Variants in ADGRL3 observed in about 807,000 individuals in gnomAD.
ADGRL3 encodes the protein calcium-independent alpha-latrotoxin receptor 3.
Under a neutral mutation model 153.5 loss-of-function variants are expected in ADGRL3, and 62 were observed. The ratio of observed to expected loss-of-function variants is 0.40; its 90% confidence interval spans 0.33 to 0.50. The LOEUF is 0.50. Among genes scored for constraint, ADGRL3 ranks in the 20% least tolerant of loss-of-function variants. The pLI is 0.47. For synonymous variants in ADGRL3, 710 were observed against 672.5 expected, an observed-to-expected ratio of 1.06 and a Z score of -0.86; for missense variants, 1,641 against 1,859.4, an observed-to-expected ratio of 0.88 and a Z score of 2.16.
chr4:62,000,643 A>C (rs1340276457), intron 21 of ADGRL3, among the ~76,000 whole-genome samples: 2 of 152,160 alleles, frequency 1.3e-5, no homozygotes, highest in Non-Finnish European at 2.9e-5. Context: ...TAATAATGAC[A>C]TATACCTGAC....
At chr4:61,295,367 A>G (rs1346422350) in intron 1 of ADGRL3, among the ~76,000 whole-genome samples, 3 of 152,104 alleles carry the variant, frequency 2.0e-5, no homozygotes, top group African/African-American at 7.2e-5. Context: ...TACCTTTATC[A>G]TAGGTATATA....
At chr4:61,205,998 A>T (rs779111451) in intron 1 of ADGRL3, among the ~76,000 whole-genome samples, 3 of 152,178 alleles carry the variant, frequency 2.0e-5, no homozygotes, top group Non-Finnish European at 4.4e-5. Context: ...GTGCTTATGG[A>T]TTCATAAGCA....
intron 2 of ADGRL3, among the ~76,000 whole-genome samples, chr4:61,409,938 T>C (rs1448314719): frequency 1.3e-5 from 2 of 152,044 alleles, no homozygotes; most frequent in African/African-American, 4.8e-5. Flanking sequence ...GAACATAATA[T>C]GGTACATTTT....
chr4:61,456,374 TCTATATATATATATAG>T (rs2097739341), intron 2 of ADGRL3, among the ~76,000 whole-genome samples: 2 of 134,686 alleles, frequency 1.5e-5, no homozygotes, highest in Admixed American at 7.6e-5. Flanking sequence ...TATAGATATA[TCTATATATATATATAG>T]ATATATCTAT....
At chr4:61,967,785 CAT>C (rs1346825413) in intron 17 of ADGRL3, among the ~76,000 whole-genome samples, 3 of 152,174 alleles carry the variant, frequency 2.0e-5, no homozygotes, top group African/African-American at 7.2e-5. Context: ...TTGTAAAGCA[CAT>C]AGTTTTACCT....
At chr4:61,799,038 T>TATATATATATATATAC (rs1411460409) in intron 8 of ADGRL3, among the ~76,000 whole-genome samples, 5 of 115,710 alleles carry the variant, frequency 4.3e-5, no homozygotes, top group African/African-American at 1.7e-4. Context: ...TATATATATA[T>TATATATATATATATAC]ACCATATATT....
intron 9 of ADGRL3, among the ~76,000 whole-genome samples, chr4:61,820,980 A>T (rs1212277898): frequency 6.6e-6 from 1 of 152,184 alleles, no homozygotes. Flanking sequence ...TCAGAATCCT[A>T]AGCAGAGGCA....
intron 1 of ADGRL3, among the ~76,000 whole-genome samples, chr4:61,330,061 T>G (rs1160457216): frequency 6.6e-6 from 1 of 152,204 alleles, no homozygotes; most frequent in African/African-American, 2.4e-5. Flanking sequence ...ATTGTGCATA[T>G]GCTGGAAAAT....
intron 2 of ADGRL3, among the ~76,000 whole-genome samples, chr4:61,431,953 G>A (rs1244701042): frequency 6.6e-6 from 1 of 152,098 alleles, no homozygotes; most frequent in Non-Finnish European, 1.5e-5. Flanking sequence ...TGGTGATTGA[G>A]TCAATATATA....
At chr4:61,419,736 TGTTA>T (rs935364848) in intron 2 of ADGRL3, among the ~76,000 whole-genome samples, 3 of 152,180 alleles carry the variant, frequency 2.0e-5, no homozygotes, top group South Asian at 2.1e-4. Flanking sequence ...AAATTTTGAT[TGTTA>T]TTTTCACAGA....
intron 4 of ADGRL3, among the ~76,000 whole-genome samples, chr4:61,550,022 G>A (rs1240247479): frequency 6.6e-6 from 1 of 151,878 alleles, no homozygotes; most frequent in Non-Finnish European, 1.5e-5. Context: ...ATACTCAAAT[G>A]CAGCATATCA....
At position 62,033,285 on chromosome 4, in the gene ADGRL3, A is replaced by G. The variant is rs867225535; in HGVS notation, c.3591+1675A>G. On this transcript the variant is annotated intron_variant, in intron 23 of 26. Coordinates refer to ENST00000683033, the MANE Select transcript of ADGRL3 (RefSeq NM_001387552.1). ...GTTTTTTTTTATCAGATAGGGTTCT[A>G]TCGATGGTACCACCTAAACTGCAAG... 7.2e-5 allele frequency among the ~76,000 whole-genome samples: 11 copies of G among 151,848 alleles called. No individual in the cohort carries two copies. The South Asian group carries it at 1.0e-3, about 14-fold the overall frequency.
chr4:61,616,740 A>G (rs2092046643), intron 5 of ADGRL3, among the ~76,000 whole-genome samples: 1 of 152,192 alleles, frequency 6.6e-6, no homozygotes, highest in Non-Finnish European at 1.5e-5. Flanking sequence ...TGTGCCTAAT[A>G]TAAAAAAATT....
intron 1 of ADGRL3, among the ~76,000 whole-genome samples, chr4:61,241,905 T>A (rs1755123873): frequency 6.6e-6 from 1 of 152,132 alleles, no homozygotes; most frequent in Admixed American, 6.6e-5. Flanking sequence ...ATAGATCTGA[T>A]AATGCAATTC....
chr4:61,876,128 C>T (rs565771661), intron 9 of ADGRL3, among the ~76,000 whole-genome samples: 1 of 151,620 alleles, frequency 6.6e-6, no homozygotes, highest in East Asian at 1.9e-4. Context: ...TAGATAATTT[C>T]CCTATATGTT....
At chr4:61,706,366 G>A (rs1484736810) in intron 6 of ADGRL3, among the ~76,000 whole-genome samples, 3 of 150,736 alleles carry the variant, frequency 2.0e-5, no homozygotes, top group Non-Finnish European at 4.4e-5. Context: ...AGGTTGCAGT[G>A]AGCCGAGATT....
chr4:61,390,956 T>C (rs1364842881), intron 2 of ADGRL3, among the ~76,000 whole-genome samples: 1 of 152,212 alleles, frequency 6.6e-6, no homozygotes, highest in African/African-American at 2.4e-5. Flanking sequence ...ATCCCTGTTG[T>C]TGAGTGCCCC....
In ADGRL3 at chr4:61,444,795, G is replaced by T. The variant is rs865966583; in HGVS notation, c.-173-52326G>T. On this transcript the variant is annotated intron_variant, in intron 2 of 26. Transcript: ENST00000683033. ...TGGCTGGGCACAGTGGCTCATGCCT[G>T]TAATCCCAGCACTTTGGGAGGCAGA... 9.2e-5 allele frequency among the ~76,000 whole-genome samples: 14 copies of T among 152,286 alleles called. 1 individual carries two copies. The South Asian group carries it at 1.7e-3, about 18-fold the overall frequency.
intron 2 of ADGRL3, among the ~76,000 whole-genome samples, chr4:61,433,749 C>T (rs2097405766): frequency 6.6e-6 from 1 of 152,152 alleles, no homozygotes; most frequent in South Asian, 2.1e-4. Flanking sequence ...CTCATATAAT[C>T]AGCTGCCTAA....
Sources: gnomAD v4.1 joint callset for allele counts (sites outside exome capture counted in the v4.1 genomes callset) on GRCh38, gnomAD v4.1.1 for gene constraint, MANE v1.5 for transcripts, NCBI Gene and HGNC (gene_info 2026-07-23, HGNC 2026-07-21) for gene names.